GABBR2: variants seen among roughly 807,000 people sequenced by gnomAD.
GABBR2 encodes gamma-aminobutyric acid type B receptor subunit 2.
Under a neutral mutation model 105.6 loss-of-function variants are expected in GABBR2, and 23 were observed. That is an observed-to-expected ratio of 0.22 (90% CI 0.16 to 0.31). GABBR2 has a LOEUF of 0.31. GABBR2 is among the 10% of genes least tolerant of loss of function. The probability of loss-of-function intolerance (pLI) is 1.00; values close to 1 mark genes in which losing one functional copy is unlikely to be tolerated. For synonymous variants in GABBR2, 478 were observed against 499.7 expected (o/e 0.96, Z 0.58); for missense variants, 734 against 1,245.5 (o/e 0.59, Z 6.18).
chr9:98,378,212 A>G (rs898192402), intron 11 of GABBR2, among the ~76,000 whole-genome samples: 14 of 152,116 alleles, frequency 9.2e-5, no homozygotes, highest in Non-Finnish European at 1.5e-4. Flanking sequence ...GAGTTAGAAA[A>G]TCCCAGTACC....
intron 1 of GABBR2, among the ~76,000 whole-genome samples, chr9:98,650,722 G>A (rs1316998339): frequency 6.6e-6 from 1 of 152,196 alleles, no homozygotes. Flanking sequence ...ATAGATTGTG[G>A]TGTATAAATA....
At chr9:98,329,650 C>G (rs1033675229) in intron 13 of GABBR2, among the ~76,000 whole-genome samples, 3 of 152,228 alleles carry the variant, frequency 2.0e-5, no homozygotes, top group African/African-American at 7.2e-5. Flanking sequence ...TCTCTCTTGC[C>G]CCCTCACTGT....
chr9:98,628,127 C>T (rs1010984045), intron 1 of GABBR2, among the ~76,000 whole-genome samples: 1 of 152,206 alleles, frequency 6.6e-6, no homozygotes, highest in Non-Finnish European at 1.5e-5. Flanking sequence ...ACATAAGATA[C>T]AACAAGAATA....
chr9:98,337,949 G>A (rs928558007), intron 13 of GABBR2, among the ~76,000 whole-genome samples: 1 of 152,144 alleles, frequency 6.6e-6, no homozygotes, highest in Non-Finnish European at 1.5e-5. Flanking sequence ...TTGAACCTGG[G>A]AGGAGGAGTT....
chr9:98,463,480 G>A (rs958619073), intron 6 of GABBR2, among the ~76,000 whole-genome samples: 4 of 152,172 alleles, frequency 2.6e-5, no homozygotes, highest in African/African-American at 7.2e-5. Flanking sequence ...GAACCTATAT[G>A]AGTAGTTATC....
chr9:98,535,406 G>A (rs1220331341), intron 3 of GABBR2, among the ~76,000 whole-genome samples: 1 of 151,622 alleles, frequency 6.6e-6, no homozygotes, highest in East Asian at 1.9e-4. Flanking sequence ...CAGCCCGGAT[G>A]GAGGATATTT....
intron 4 of GABBR2, among the ~76,000 whole-genome samples, chr9:98,488,437 G>T (rs953747381): frequency 6.6e-6 from 1 of 152,068 alleles, no homozygotes; most frequent in Non-Finnish European, 1.5e-5. Flanking sequence ...CTATTTTTGT[G>T]AGTCACTCAA....
At chr9:98,708,297 C>T in intron 1 of GABBR2, 120 bp downstream of exon 1, 1 of 1,074,590 alleles carries the variant, frequency 9.3e-7, no homozygotes, top group Non-Finnish European at 1.2e-6. Flanking sequence ...CCCTCTCTGC[C>T]CTCGGCAGGC....
At chr9:98,391,955 G>A (rs1248333673) in intron 9 of GABBR2, among the ~76,000 whole-genome samples, 1 of 152,210 alleles carries the variant, frequency 6.6e-6, no homozygotes, top group Non-Finnish European at 1.5e-5. Context: ...GGGGGCTAGT[G>A]TAGGGGTCCG....
At chr9:98,405,719 T>G (rs1008648869) in intron 8 of GABBR2, among the ~76,000 whole-genome samples, 1 of 152,164 alleles carries the variant, frequency 6.6e-6, no homozygotes, top group Non-Finnish European at 1.5e-5. Flanking sequence ...TTACAATGCC[T>G]AATAAAATGT....
Position 98,496,344 on chromosome 9 carries a change from G to A in GABBR2, c.732+69C>T, listed in dbSNP as rs1827278681. 3 of 959,424 alleles carry A rather than the reference G, an allele frequency of 3.1e-6. No homozygotes were observed. The South Asian group carries it at 3.9e-5, about 12-fold the overall frequency. 59.4% of individuals were successfully genotyped at this position (959,424 alleles called of 1,614,324 possible). A position where few individuals can be genotyped will look rare whatever the true frequency, so the allele number is the denominator to read the frequency against. On this transcript the variant is annotated intron_variant, in intron 4 of 18. Transcript: ENST00000259455. ...AGACCAAACTTGAGGCTCTTTCATA[G>A]TCAGGTAATTTGGGCACCCAGGGCA...
At chr9:98,500,164 T>TA (rs1340270644) in intron 3 of GABBR2, among the ~76,000 whole-genome samples, 3 of 152,256 alleles carry the variant, frequency 2.0e-5, no homozygotes, top group Admixed American at 2.0e-4. Context: ...ATCTCCTTTA[T>TA]AAAAATAGAA....
chr9:98,456,090 T>A (rs952376415), intron 6 of GABBR2, among the ~76,000 whole-genome samples: 1 of 152,116 alleles, frequency 6.6e-6, no homozygotes, highest in Non-Finnish European at 1.5e-5. Context: ...TTCGTCCTGT[T>A]ACTCACATTC....
chr9:98,613,395 G>T (rs1284484610), intron 1 of GABBR2, among the ~76,000 whole-genome samples: 1 of 151,042 alleles, frequency 6.6e-6, no homozygotes, highest in Non-Finnish European at 1.5e-5. Flanking sequence ...AGCCGTGATT[G>T]TACCACTGCA....
chr9:98,436,348 CATATATATATAT>C lies in GABBR2; in HGVS notation c.1236+17621_1236+17632del, dbSNP rs1158239322. Among the ~76,000 whole-genome samples, 46 of 7,602 alleles carry C rather than the reference CATATATATATAT, an allele frequency of 6.1e-3. 4 individuals carry two copies. Among genetic ancestry groups the C allele is most frequent in the Non-Finnish European group, 0.011 (39 of 3,592 alleles). 5.0% of individuals were successfully genotyped at this position (7,602 alleles called of 152,430 possible). A position where few individuals can be genotyped will look rare whatever the true frequency, so the allele number is the denominator to read the frequency against. On this transcript the variant is annotated intron_variant, in intron 7 of 18. Coordinates refer to ENST00000259455, the MANE Select transcript of GABBR2 (RefSeq NM_005458.8). ...TATATATATACACACACACACACACCATATATATATATATATATATATATATATATATATATA... is the reference window on the plus strand; with the variant it reads ...TATATATATACACACACACACACACCATATATATATATATATATATATATA...
At chr9:98,478,348 AT>A (rs1194107630) in intron 5 of GABBR2, among the ~76,000 whole-genome samples, 1 of 152,098 alleles carries the variant, frequency 6.6e-6, no homozygotes, top group Non-Finnish European at 1.5e-5. Flanking sequence ...GCGTGAAAAC[AT>A]TGAACAGTCT....
chr9:98,447,063 CTTTTTT>C (rs369338702), intron 7 of GABBR2, among the ~76,000 whole-genome samples: 1 of 116,360 alleles, frequency 8.6e-6, no homozygotes. Context: ...AAAAAGACTT[CTTTTTT>C]TTTTTTTTTT....
chr9:98,315,635 T>C (rs556767564), intron 13 of GABBR2, among the ~76,000 whole-genome samples: 1 of 152,338 alleles, frequency 6.6e-6, no homozygotes, highest in South Asian at 2.1e-4. Context: ...GCATGCAACC[T>C]GCAGGGGCAG....
chr9:98,504,998 G>A (rs1051095743), intron 3 of GABBR2, among the ~76,000 whole-genome samples: 1 of 152,216 alleles, frequency 6.6e-6, no homozygotes, highest in African/African-American at 2.4e-5. Flanking sequence ...TGTAGAGGGG[G>A]GGCACCAGGT....
Sources: gnomAD v4.1 joint callset for allele counts (sites outside exome capture counted in the v4.1 genomes callset) on GRCh38, gnomAD v4.1.1 for gene constraint, MANE v1.5 for transcripts, NCBI Gene and HGNC (gene_info 2026-07-23, HGNC 2026-07-21) for gene names.